CPED1: variants seen among roughly 807,000 people sequenced by gnomAD.
CPED1 encodes cadherin-like and PC-esterase domain-containing protein 1.
A neutral mutation model predicts 128.2 loss-of-function variants in CPED1; 114 were observed. The ratio of observed to expected loss-of-function variants is 0.89; its 90% CI spans 0.76 to 1.04. CPED1 has a LOEUF of 1.04. Among genes scored for constraint, CPED1 ranks in the 50% least tolerant of loss-of-function variants. CPED1 has a pLI of 0.00. For synonymous variants in CPED1, 462 were observed against 426.7 expected, an observed-to-expected ratio of 1.08 and a Z score of -1.02; for missense variants, 1,211 against 1,207.1, an observed-to-expected ratio of 1.00 and a Z score of -0.05.
At chr7:121,033,878 G>GA (rs1792804323) in intron 3 of CPED1, among the ~76,000 whole-genome samples, 1 of 152,098 alleles carries the variant, frequency 6.6e-6, no homozygotes, top group African/African-American at 2.4e-5. Flanking sequence ...ATTTATTCTT[G>GA]AAATAAATTA....
At chr7:121,286,966 G>T (rs989220084) in intron 22 of CPED1, among the ~76,000 whole-genome samples, 6 of 152,156 alleles carry the variant, frequency 3.9e-5, no homozygotes, top group Non-Finnish European at 8.8e-5. Context: ...TCACAAGGTG[G>T]CAGGAAGGAG....
chr7:121,025,100 C>T (rs2116841339), intron 3 of CPED1, among the ~76,000 whole-genome samples: 1 of 152,196 alleles, frequency 6.6e-6, no homozygotes, highest in African/African-American at 2.4e-5. Flanking sequence ...CAACTCACTT[C>T]CTTTTTAGAC....
intron 2 of CPED1, chr7:120,993,877 G>A: frequency 4.4e-6 from 1 of 228,862 alleles, no homozygotes; most frequent in Non-Finnish European, 9.4e-6. Flanking sequence ...TTGTTGATTG[G>A]AGTCCCTCTC....
rs1226906588 is a variant in CPED1, at chr7:121,117,098, T to TATATATATATATATAA, written c.919-7232_919-7231insTATATATATATATAAA. On this transcript the variant is annotated intron_variant, in intron 7 of 22. Coordinates refer to ENST00000310396, the MANE Select transcript of CPED1 (RefSeq NM_024913.5). The stretch of plus-strand genomic sequence containing the variant: ...CACATTATATATATATATATATATA[T>TATATATATATATATAA]AAATATATATATATATGTTTGAGAT... Among the ~76,000 whole-genome samples the TATATATATATATATAA allele has an allele frequency of 3.1e-4, 42 of 134,644 alleles. 1 individual carries two copies. Among genetic ancestry groups the TATATATATATATATAA allele is most frequent in the African/African-American group, 1.1e-3 (41 of 35,944 alleles). The allele number at this position is 134,644 out of a possible 152,430, so 88.3% of individuals were successfully genotyped here.
chr7:121,020,476 G>C (rs1484851802), intron 3 of CPED1, among the ~76,000 whole-genome samples: 1 of 151,802 alleles, frequency 6.6e-6, no homozygotes, highest in Non-Finnish European at 1.5e-5. Flanking sequence ...TTTATTATTA[G>C]GTCCTTTACA....
At chr7:120,995,951 C>T (rs919282116) in intron 2 of CPED1, among the ~76,000 whole-genome samples, 3 of 32,942 alleles carry the variant, frequency 9.1e-5, no homozygotes, top group Non-Finnish European at 2.0e-4. Flanking sequence ...TTCTTCTCCT[C>T]CTCCTCCTCC....
chr7:121,199,370 C>T (rs755750624), intron 16 of CPED1, among the ~76,000 whole-genome samples: 3 of 151,832 alleles, frequency 2.0e-5, no homozygotes, highest in Non-Finnish European at 2.9e-5. Context: ...ATGGTCTTTC[C>T]GTGTGCTATA....
intron 16 of CPED1, among the ~76,000 whole-genome samples, chr7:121,144,631 G>A (rs934769323): frequency 6.6e-6 from 1 of 151,978 alleles, no homozygotes; most frequent in Admixed American, 6.6e-5. Flanking sequence ...CAGGGCAACT[G>A]TAGTTAGCAG....
At chr7:121,237,824 C>T (rs1798294492) in intron 17 of CPED1, among the ~76,000 whole-genome samples, 1 of 152,128 alleles carries the variant, frequency 6.6e-6, no homozygotes, top group Admixed American at 6.5e-5. Flanking sequence ...TTGGCACGCA[C>T]AGTTAACAAA....
At chr7:121,240,328 T>C (rs1270181341) in intron 17 of CPED1, among the ~76,000 whole-genome samples, 1 of 152,178 alleles carries the variant, frequency 6.6e-6, no homozygotes, top group Non-Finnish European at 1.5e-5. Context: ...GTACAGTGTC[T>C]GGAGTAAGGG....
At chr7:121,210,688 G>A (rs1797623272) in intron 16 of CPED1, among the ~76,000 whole-genome samples, 1 of 151,876 alleles carries the variant, frequency 6.6e-6, no homozygotes, top group African/African-American at 2.4e-5. Context: ...GTGGGAAATG[G>A]GGATGGTTGA....
chr7:121,129,160 T>G (rs1795583952), intron 11 of CPED1, among the ~76,000 whole-genome samples: 1 of 151,232 alleles, frequency 6.6e-6, no homozygotes, highest in Non-Finnish European at 1.5e-5. Context: ...TTTTTCCACC[T>G]AAGATTTGTT....
chr7:121,183,410 C>G (rs1268199271), intron 16 of CPED1, among the ~76,000 whole-genome samples: 1 of 151,968 alleles, frequency 6.6e-6, no homozygotes, highest in Non-Finnish European at 1.5e-5. Flanking sequence ...TATAAAGGAC[C>G]CTTGACCTCA....
chr7:121,026,955 G>A (rs922246823), intron 3 of CPED1, among the ~76,000 whole-genome samples: 1 of 147,292 alleles, frequency 6.8e-6, no homozygotes, highest in African/African-American at 2.5e-5. Flanking sequence ...CTCAATCCCT[G>A]AGTAGCCAGC....
intron 16 of CPED1, among the ~76,000 whole-genome samples, chr7:121,146,262 C>T (rs138914616): frequency 2.6e-5 from 4 of 152,130 alleles, no homozygotes; most frequent in East Asian, 1.9e-4. Flanking sequence ...TGGGGAAAGA[C>T]GCAAAGGGCA....
At chr7:121,184,980 A>G (rs2116509133) in intron 16 of CPED1, among the ~76,000 whole-genome samples, 1 of 152,264 alleles carries the variant, frequency 6.6e-6, no homozygotes, top group South Asian at 2.1e-4. Flanking sequence ...TGATTTCTTT[A>G]TGAAGAGACT....
At chr7:121,200,632 C>T (rs1797374647) in intron 16 of CPED1, among the ~76,000 whole-genome samples, 1 of 152,018 alleles carries the variant, frequency 6.6e-6, no homozygotes, top group Non-Finnish European at 1.5e-5. Flanking sequence ...TTGGCTGTCT[C>T]CCCACAAATT....
At chr7:121,026,455 A>G (rs1341092973) in intron 3 of CPED1, among the ~76,000 whole-genome samples, 1 of 152,158 alleles carries the variant, frequency 6.6e-6, no homozygotes, top group Admixed American at 6.6e-5. Context: ...TCTGCTAAAC[A>G]GAACACATAT....
intron 16 of CPED1, among the ~76,000 whole-genome samples, chr7:121,167,725 ATTTT>A (rs10588976): frequency 9.1e-5 from 9 of 99,242 alleles, no homozygotes; most frequent in African/African-American, 3.8e-4. Flanking sequence ...TTTAAAGTCT[ATTTT>A]TTTTTTTTTT....
Sources: allele counts gnomAD v4.1 joint callset (sites outside exome capture counted in the v4.1 genomes callset), GRCh38; gene constraint gnomAD v4.1.1; transcripts MANE v1.5; gene names NCBI Gene and HGNC (gene_info 2026-07-23, HGNC 2026-07-21).